Variants in CACNA2D1 observed in about 807,000 individuals in gnomAD.
CACNA2D1 encodes calcium voltage-gated channel auxiliary subunit alpha2delta 1, also known as voltage-dependent calcium channel subunit alpha-2/delta-1.
CACNA2D1 carries 53 observed loss-of-function variants against 171.5 expected under a neutral mutation model. The observed-to-expected ratio is 0.31, with a 90% CI of 0.25 to 0.39. The LOEUF (loss-of-function observed/expected upper bound fraction) is 0.39, where lower values mean the gene tolerates loss of function less well. CACNA2D1 is among the 10% of genes least tolerant of loss of function. The pLI, the probability that CACNA2D1 is intolerant of heterozygous loss-of-function variation, is 1.00. For missense variants in CACNA2D1, 903 were observed against 1,299.8 expected (o/e 0.69, Z 4.69); for synonymous variants, 442 against 443.1 (o/e 1.00, Z 0.03).
intron 32 of CACNA2D1, among the ~76,000 whole-genome samples, chr7:81,965,234 GTT>G (rs1312376689): frequency 1.3e-5 from 2 of 151,898 alleles, no homozygotes; most frequent in Non-Finnish European, 2.9e-5. Context: ...TCATTTGCAG[GTT>G]TGAGACTAGA....
At chr7:82,008,844 C>T (rs1799422767) in intron 15 of CACNA2D1, among the ~76,000 whole-genome samples, 2 of 151,938 alleles carry the variant, frequency 1.3e-5, no homozygotes, top group South Asian at 2.1e-4. Context: ...TAATTGTGCA[C>T]ATAGGAGGCC....
intron 3 of CACNA2D1, among the ~76,000 whole-genome samples, chr7:82,235,468 C>A (rs779311524): frequency 1.9e-4 from 29 of 152,120 alleles, no homozygotes; most frequent in Non-Finnish European, 3.8e-4. Context: ...TATGAATTCA[C>A]ACTATATCCA....
chr7:82,118,625 A>G (rs997425952), intron 5 of CACNA2D1, among the ~76,000 whole-genome samples: 3 of 152,082 alleles, frequency 2.0e-5, no homozygotes, highest in Non-Finnish European at 4.4e-5. Flanking sequence ...TTAATATTAT[A>G]AAGCTTGTCT....
intron 4 of CACNA2D1, among the ~76,000 whole-genome samples, chr7:82,169,476 A>G (rs1014440250): frequency 1.3e-5 from 2 of 152,178 alleles, no homozygotes; most frequent in Non-Finnish European, 2.9e-5. Context: ...AAACAGTAAA[A>G]ATAAATAATA....
intron 1 of CACNA2D1, among the ~76,000 whole-genome samples, chr7:82,419,250 GA>G (rs983082092): frequency 2.0e-5 from 3 of 151,608 alleles, no homozygotes; most frequent in South Asian, 2.1e-4. Flanking sequence ...TTTCAGCCAA[GA>G]AAAAAAAATC....
chr7:82,040,881 AG>A (rs1803877541), intron 10 of CACNA2D1, among the ~76,000 whole-genome samples: 1 of 152,146 alleles, frequency 6.6e-6, no homozygotes, highest in South Asian at 2.1e-4. Flanking sequence ...AGGCTGAGGC[AG>A]GAGAATCACT....
chr7:82,060,190 T>TATATATATGA lies in CACNA2D1; in HGVS notation c.879+237_879+238insTCATATATAT, dbSNP rs1491114373. 8.4e-4 allele frequency among the ~76,000 whole-genome samples: 11 copies of TATATATATGA among 13,142 alleles called. 2 individuals carry two copies. The highest frequency in any genetic ancestry group is 1.6e-3 in the African/African-American group (11 of 7,026). 8.6% of individuals were successfully genotyped at this position (13,142 alleles called of 152,430 possible). On this transcript the variant is annotated intron_variant, in intron 10 of 38. Coordinates refer to ENST00000356860, the MANE Select transcript of CACNA2D1 (RefSeq NM_000722.4). ...AATATATATATATAATATATATATA[T>TATATATATGA]TATATATATATTATATATATAATAT...
At chr7:82,359,756 T>C (rs1009269557) in intron 1 of CACNA2D1, among the ~76,000 whole-genome samples, 3 of 152,192 alleles carry the variant, frequency 2.0e-5, no homozygotes, top group African/African-American at 7.2e-5. Context: ...CAGTGTTATT[T>C]CTCCAACAAT....
At chr7:82,373,294 TA>T (rs1822628585) in intron 1 of CACNA2D1, among the ~76,000 whole-genome samples, 1 of 152,212 alleles carries the variant, frequency 6.6e-6, no homozygotes, top group South Asian at 2.1e-4. Context: ...TTGAGGTTAC[TA>T]AAATCAAAAA....
chr7:82,292,171 A>G (rs1434074268), intron 3 of CACNA2D1, among the ~76,000 whole-genome samples: 2 of 152,064 alleles, frequency 1.3e-5, no homozygotes, highest in African/African-American at 4.8e-5. Flanking sequence ...CAACTTATTG[A>G]TTTCCCTGGA....
At chr7:82,065,463 C>T (rs1463610710) in intron 8 of CACNA2D1, among the ~76,000 whole-genome samples, 6 of 152,098 alleles carry the variant, frequency 3.9e-5, no homozygotes, top group South Asian at 2.1e-4. Context: ...TAAAACAAGA[C>T]TATATATTAG....
At chr7:82,117,023 T>TGTTAA in intron 6 of CACNA2D1, 21 bp downstream of exon 6, 1 of 1,613,056 alleles carries the variant, frequency 6.2e-7, no homozygotes, top group Non-Finnish European at 8.5e-7. Flanking sequence ...TTCCAACAGA[T>TGTTAA]GTTAACATTC....
intron 6 of CACNA2D1, among the ~76,000 whole-genome samples, chr7:82,098,584 A>G (rs1160699683): frequency 6.6e-6 from 1 of 152,168 alleles, no homozygotes; most frequent in Admixed American, 6.5e-5. Context: ...TGATGAGGTA[A>G]TCTACTGTGC....
At chr7:82,161,688 G>C (rs1794963628) in intron 4 of CACNA2D1, among the ~76,000 whole-genome samples, 1 of 152,042 alleles carries the variant, frequency 6.6e-6, no homozygotes, top group African/African-American at 2.4e-5. Context: ...AAAAGTAATA[G>C]AAATAATAGT....
At chr7:82,281,545 A>C (rs1810100919) in intron 3 of CACNA2D1, among the ~76,000 whole-genome samples, 1 of 152,220 alleles carries the variant, frequency 6.6e-6, no homozygotes, top group South Asian at 2.1e-4. Context: ...ATAGATTAAA[A>C]AGCAACATTA....
At chr7:82,220,551 G>T (rs1387175649) in intron 3 of CACNA2D1, among the ~76,000 whole-genome samples, 4 of 151,952 alleles carry the variant, frequency 2.6e-5, no homozygotes, top group South Asian at 4.1e-4. Flanking sequence ...ATTAAACTGA[G>T]AAATTTTGAA....
intron 7 of CACNA2D1, among the ~76,000 whole-genome samples, chr7:82,068,164 T>C (rs939202655): frequency 3.9e-5 from 6 of 152,184 alleles, no homozygotes; most frequent in African/African-American, 1.4e-4. Context: ...CCTACAGTGT[T>C]GCAGTTTCCC....
At chr7:82,439,350 T>C (rs1472076063) in intron 1 of CACNA2D1, among the ~76,000 whole-genome samples, 1 of 151,916 alleles carries the variant, frequency 6.6e-6, no homozygotes, top group Non-Finnish European at 1.5e-5. Flanking sequence ...GAAAGAAGAG[T>C]ATTTTATTGT....
intron 4 of CACNA2D1, among the ~76,000 whole-genome samples, chr7:82,149,850 A>G (rs567088766): frequency 6.6e-6 from 1 of 151,546 alleles, no homozygotes; most frequent in African/African-American, 2.4e-5. Context: ...CCAGCTACTC[A>G]GGAAGCTGAG....
Sources: gnomAD v4.1 joint callset for allele counts (sites outside exome capture counted in the v4.1 genomes callset) on GRCh38, gnomAD v4.1.1 for gene constraint, MANE v1.5 for transcripts, NCBI Gene and HGNC (gene_info 2026-07-23, HGNC 2026-07-21) for gene names.